Variants in KIF13A observed in about 807,000 individuals in gnomAD.
KIF13A encodes the protein kinesin family member 13A, also known as kinesin-like protein KIF13A.
A neutral mutation model predicts 212.2 loss-of-function variants in KIF13A; 79 were observed. The ratio of observed to expected loss-of-function variants is 0.37; its 90% confidence interval spans 0.31 to 0.45. The LOEUF is 0.45. Among genes scored for constraint, KIF13A ranks in the 20% least tolerant of loss-of-function variants. The pLI, the probability that KIF13A is intolerant of heterozygous loss-of-function variation, is 1.00. For missense variants in KIF13A, 1,901 were observed against 2,209.0 expected (o/e 0.86, Z 2.79); for synonymous variants, 789 against 808.6 (o/e 0.98, Z 0.41).
Position 17,838,383 on chromosome 6 carries a change from A to G in KIF13A, c.831-800T>C, listed in dbSNP as rs1380949738. ...AAGAAGGACACAAACTAGCAAGTGA[A>G]AGACTAGACAGCTTTCTTTGTAATG... is the stretch of plus-strand genomic sequence containing the variant. On this transcript the variant is annotated intron_variant, in intron 9 of 38. Transcript: ENST00000259711. This position sits in a 1 kb window ranked among gnomAD's most constrained non-coding sequence, Gnocchi z 4.2. Among the ~76,000 whole-genome samples the G allele has an allele frequency of 6.6e-6, 1 of 152,196 alleles. No individual in the cohort carries two copies. The highest frequency in any genetic ancestry group is 2.4e-5 in the African/African-American group (1 of 41,442).
At chr6:17,874,024 T>TG (rs1440632072) in intron 3 of KIF13A, among the ~76,000 whole-genome samples, 1 of 152,170 alleles carries the variant, frequency 6.6e-6, no homozygotes, top group Non-Finnish European at 1.5e-5. Flanking sequence ...ACAATACATC[T>TG]GATGAGAAAA....
chr6:17,868,995 A>AAAAAAAAC (rs1562077151), intron 4 of KIF13A, among the ~76,000 whole-genome samples: 1 of 133,624 alleles, frequency 7.5e-6, no homozygotes, highest in African/African-American at 3.4e-5. Flanking sequence ...CTCTCAAAAA[A>AAAAAAAAC]AAAAAAAAAA....
In KIF13A at chr6:17,837,330, T is replaced by C. The variant is rs1182792556; in HGVS notation, c.942+142A>G. ...AATAAAAAGGAGTAGAAAATAGTTTTCATTCTGTGTTCCTAGGAATTAGAA... is the reference window on the plus strand; with the variant it reads ...AATAAAAAGGAGTAGAAAATAGTTTCCATTCTGTGTTCCTAGGAATTAGAA... On this transcript the variant is annotated intron_variant, in intron 10 of 38. Coordinates refer to ENST00000259711, the MANE Select transcript of KIF13A (RefSeq NM_022113.6). The surrounding 1 kb of genome is among the most constrained non-coding windows in gnomAD (Gnocchi z 5.4). 1.4e-6 allele frequency: 1 copy of C among 692,704 alleles called. No homozygotes were observed. The highest frequency in any genetic ancestry group is 2.5e-6 in the Non-Finnish European group (1 of 406,088). The allele number at this position is 692,704 out of a possible 1,614,324, so 42.9% of individuals were successfully genotyped here. A position where few individuals can be genotyped will look rare whatever the true frequency, so the allele number is the denominator to read the frequency against.
intron 25 of KIF13A, among the ~76,000 whole-genome samples, chr6:17,790,611 C>G (rs1437354423): frequency 6.6e-6 from 1 of 152,086 alleles, no homozygotes; most frequent in East Asian, 1.9e-4. Flanking sequence ...AGCAATGAGG[C>G]AAACATCCTT....
chr6:17,983,129 C>A (rs1370042228), intron 2 of KIF13A, among the ~76,000 whole-genome samples: 1 of 147,566 alleles, frequency 6.8e-6, no homozygotes, highest in African/African-American at 2.5e-5. Flanking sequence ...GCCGAGATCA[C>A]GCCACTGCAC....
chr6:17,826,210 T>C lies in KIF13A; in HGVS notation c.1533-86A>G, dbSNP rs2150365831. The C allele has an allele frequency of 1.1e-6, 1 of 943,464 alleles. No homozygotes were observed. Among genetic ancestry groups the C allele is most frequent in the African/African-American group, 1.6e-5 (1 of 60,864 alleles). The allele number at this position is 943,464 out of a possible 1,614,324, so 58.4% of individuals were successfully genotyped here. On this transcript the variant is annotated intron_variant, in intron 14 of 38. Transcript: ENST00000259711. This position sits in a 1 kb window ranked among gnomAD's most constrained non-coding sequence, Gnocchi z 4.7. ...TAGCCAAAGAGATAACTAGGGGAGC[T>C]TTCTCTTAATAAATGCATTCCAACT...
At chr6:17,942,378 A>G (rs894224715) in intron 2 of KIF13A, among the ~76,000 whole-genome samples, 5 of 151,774 alleles carry the variant, frequency 3.3e-5, no homozygotes, top group South Asian at 2.1e-4. Flanking sequence ...ATTGAAATTT[A>G]GACTTTGCCA....
chr6:17,812,089 A>G (rs1763481827), intron 17 of KIF13A: 1 of 152,218 alleles, frequency 6.6e-6, no homozygotes, highest in Non-Finnish European at 1.5e-5. Flanking sequence ...GAATTAAGGG[A>G]AATCAAAAAA....
chr6:17,831,492 A>G (rs1484014188), intron 12 of KIF13A, among the ~76,000 whole-genome samples: 1 of 151,672 alleles, frequency 6.6e-6, no homozygotes, highest in African/African-American at 2.4e-5. Flanking sequence ...AAGACCACAT[A>G]ACTAGAGCAC....
At chr6:17,819,718 A>G (rs1347634909) in intron 16 of KIF13A, among the ~76,000 whole-genome samples, 3 of 152,222 alleles carry the variant, frequency 2.0e-5, no homozygotes, top group Admixed American at 6.5e-5. Context: ...ACAAACTCCT[A>G]TAACTTCTAA....
At chr6:17,802,451 C>A (rs190443204) in intron 20 of KIF13A, among the ~76,000 whole-genome samples, 30 of 151,854 alleles carry the variant, frequency 2.0e-4, no homozygotes, top group African/African-American at 6.8e-4. Context: ...GCCACCACGC[C>A]GGCTAATTTT....
At position 17,856,906 on chromosome 6, in the gene KIF13A, T is replaced by C. The variant is rs968010109; in HGVS notation, c.221-784A>G. On this transcript the variant is annotated intron_variant, in intron 4 of 38. Coordinates refer to ENST00000259711, the MANE Select transcript of KIF13A (RefSeq NM_022113.6). This position sits in a 1 kb window ranked among gnomAD's most constrained non-coding sequence, Gnocchi z 4.5. ...TTATAGTCCTTAGAACATTCACTAT[T>C]ACAGCATTTGCAGAAACTACTAGTT... Among the ~76,000 whole-genome samples, 4 of 152,214 alleles carry C rather than the reference T, an allele frequency of 2.6e-5. No homozygotes were observed. Among genetic ancestry groups the C allele is most frequent in the African/African-American group, 9.6e-5 (4 of 41,454 alleles).
At chr6:17,797,033 C>CT (rs557807997) in intron 22 of KIF13A, among the ~76,000 whole-genome samples, 47 of 145,586 alleles carry the variant, frequency 3.2e-4, no homozygotes, top group Non-Finnish European at 2.6e-4. Context: ...CCGTTTCTTT[C>CT]TTTTTTTTTT....
rs1323673273 is a variant in KIF13A, at chr6:17,900,581, T to C, written c.147-2401A>G. Among the ~76,000 whole-genome samples, 1 of 152,212 alleles carries C rather than the reference T, an allele frequency of 6.6e-6. No homozygotes were observed. The highest frequency in any genetic ancestry group is 2.4e-5 in the African/African-American group (1 of 41,450). On this transcript the variant is annotated intron_variant, in intron 2 of 38. Transcript: ENST00000259711. The surrounding 1 kb of genome is among the most constrained non-coding windows in gnomAD (Gnocchi z 4.6). ...AAGCTCATCTGCTGCTACCCAAACT[T>C]ACTCATCATTCATTTTAGAACAAGG...
intron 2 of KIF13A, chr6:17,953,669 G>T: frequency 6.1e-6 from 1 of 163,818 alleles, no homozygotes; most frequent in South Asian, 1.5e-4. Context: ...GGCAACTTTA[G>T]ACAAGCACCG....
intron 2 of KIF13A, among the ~76,000 whole-genome samples, chr6:17,938,611 A>G (rs1052527785): frequency 9.2e-5 from 14 of 152,268 alleles, no homozygotes; most frequent in African/African-American, 3.1e-4. Context: ...AAGAATAAAG[A>G]AGCATGAACT....
At position 17,905,463 on chromosome 6, in the gene KIF13A, G is replaced by C. The variant is rs148065292; in HGVS notation, c.147-7283C>G. Among the ~76,000 whole-genome samples, 7 of 152,348 alleles carry C rather than the reference G, an allele frequency of 4.6e-5. No homozygotes were observed. The East Asian group carries it at 1.3e-3, about 29-fold the overall frequency. ...AACAGAGACAGGAATGAAGAGCTATGTTCAGTCAACAAACATTTCACATGC... is the reference window on the plus strand; with the variant it reads ...AACAGAGACAGGAATGAAGAGCTATCTTCAGTCAACAAACATTTCACATGC... On this transcript the variant is annotated intron_variant, in intron 2 of 38. Coordinates refer to ENST00000259711, the MANE Select transcript of KIF13A (RefSeq NM_022113.6).
chr6:17,782,488 T>G (rs552672502), intron 29 of KIF13A, among the ~76,000 whole-genome samples: 14 of 151,728 alleles, frequency 9.2e-5, no homozygotes, highest in Non-Finnish European at 1.9e-4. Context: ...ATACAAAAAT[T>G]GGCCAGGCAT....
rs981500337 is a variant in KIF13A, at chr6:17,934,515, C to T, written c.147-36335G>A. 6.6e-6 allele frequency among the ~76,000 whole-genome samples: 1 copy of T among 152,084 alleles called. No individual in the cohort carries two copies. Among genetic ancestry groups the T allele is most frequent in the Admixed American group, 6.5e-5 (1 of 15,268 alleles). On this transcript the variant is annotated intron_variant, in intron 2 of 38. Transcript: ENST00000259711. The surrounding 1 kb of genome is among the most constrained non-coding windows in gnomAD (Gnocchi z 5.4). ...TAAAAAGACGCCGAAGGCCAGGCAC[C>T]GTGGGTCATGCCTGTAATCCCAAAA...
Sources: allele counts gnomAD v4.1 joint callset (sites outside exome capture counted in the v4.1 genomes callset), GRCh38; gene constraint gnomAD v4.1.1; non-coding constraint Gnocchi (gnomAD v3.1); transcripts MANE v1.5; gene names NCBI Gene and HGNC (gene_info 2026-07-23, HGNC 2026-07-21).